CPQ: variants seen among roughly 807,000 people sequenced by gnomAD.
CPQ encodes Ser-Met dipeptidase.
In CPQ, 37 loss-of-function variants were observed where a neutral mutation model predicts 45.7. That is an observed-to-expected ratio of 0.81 (90% CI 0.62 to 1.07). The LOEUF (loss-of-function observed/expected upper bound fraction) is 1.07, where lower values mean the gene tolerates loss of function less well. CPQ is among the 50% of genes least tolerant of loss of function. The pLI, the probability that CPQ is intolerant of heterozygous loss-of-function variation, is 0.00. For missense variants in CPQ, 537 were observed against 572.9 expected (o/e 0.94, Z 0.64); for synonymous variants, 186 against 205.8 (o/e 0.90, Z 0.82).
chr8:96,698,465 C>G (rs1486371389), intron 1 of CPQ, among the ~76,000 whole-genome samples: 1 of 151,962 alleles, frequency 6.6e-6, no homozygotes, highest in African/African-American at 2.4e-5. Context: ...TAATACCCCA[C>G]AAGCACAGGC....
At chr8:96,696,388 G>A (rs111533983) in intron 1 of CPQ, among the ~76,000 whole-genome samples, 3,653 of 151,480 alleles carry the variant, frequency 0.024, 150 homozygotes, top group African/African-American at 0.081. Context: ...ACATGTGTAC[G>A]TATGTAACTA....
chr8:96,813,740 A>C (rs1427676385), intron 2 of CPQ, among the ~76,000 whole-genome samples: 3 of 152,124 alleles, frequency 2.0e-5, no homozygotes, highest in Non-Finnish European at 4.4e-5. Flanking sequence ...CCTAGGACTC[A>C]TAACGCCTGG....
intron 1 of CPQ, among the ~76,000 whole-genome samples, chr8:96,679,022 T>C (rs1482291610): frequency 2.6e-5 from 4 of 152,146 alleles, no homozygotes. Context: ...ATTCTTCTAG[T>C]AGTTTTATAC....
intron 1 of CPQ, among the ~76,000 whole-genome samples, chr8:96,679,317 G>A (rs973664742): frequency 2.6e-5 from 4 of 152,104 alleles, no homozygotes; most frequent in African/African-American, 9.7e-5. Context: ...GATTTGGTTA[G>A]CTAGTATTTT....
Position 96,999,997 on chromosome 8 carries a change from A to G in CPQ, c.962-29406A>G, listed in dbSNP as rs1443565059. Among the ~76,000 whole-genome samples the G allele has an allele frequency of 3.4e-5, 5 of 148,058 alleles. No homozygotes were observed. The East Asian group carries it at 7.9e-4, about 23-fold the overall frequency. ...ATTTCTCTAATGATCAGTGCTGCTG[A>G]GCTTTTTTTTTTTTGTATGATTGTT... On this transcript the variant is annotated intron_variant, in intron 5 of 7. Coordinates refer to ENST00000220763, the MANE Select transcript of CPQ (RefSeq NM_016134.4).
At chr8:96,677,555 A>C (rs1433257716) in intron 1 of CPQ, among the ~76,000 whole-genome samples, 1 of 151,778 alleles carries the variant, frequency 6.6e-6, no homozygotes, top group African/African-American at 2.4e-5. Context: ...AGTTCCTTTT[A>C]GATTCTGTAT....
At chr8:96,732,448 A>C (rs767081746) in intron 1 of CPQ, 1 of 152,176 alleles carries the variant, frequency 6.6e-6, no homozygotes, top group Admixed American at 6.5e-5. Context: ...GATGACCCTT[A>C]GTCTTTAAAA....
At position 96,936,668 on chromosome 8, in the gene CPQ, A is replaced by G. The variant is rs1245002989; in HGVS notation, c.850-29267A>G. On this transcript the variant is annotated intron_variant, in intron 4 of 7. Transcript: ENST00000220763. Reference sequence around the variant, plus strand: ...AATATCCCAAAGATATTGGGGAGATATTTGGAAAGTATATGAAAACATTTA... The same window carrying G: ...AATATCCCAAAGATATTGGGGAGATGTTTGGAAAGTATATGAAAACATTTA... Among the ~76,000 whole-genome samples, 4 of 152,318 alleles carry G rather than the reference A, an allele frequency of 2.6e-5. No individual in the cohort carries two copies. The East Asian group carries it at 7.7e-4, about 29-fold the overall frequency.
At chr8:97,023,311 T>C (rs1340727456) in intron 5 of CPQ, among the ~76,000 whole-genome samples, 1 of 151,832 alleles carries the variant, frequency 6.6e-6, no homozygotes, top group Admixed American at 6.6e-5. Flanking sequence ...CAATGGACTT[T>C]GGGGACTCAG....
At chr8:97,025,365 G>C (rs1809779943) in intron 5 of CPQ, among the ~76,000 whole-genome samples, 1 of 152,114 alleles carries the variant, frequency 6.6e-6, no homozygotes, top group African/African-American at 2.4e-5. Flanking sequence ...TGTTGCTTTA[G>C]AGGAAAACCA....
At chr8:97,141,816 G>C (rs1812170003) in intron 7 of CPQ, among the ~76,000 whole-genome samples, 1 of 152,094 alleles carries the variant, frequency 6.6e-6, no homozygotes, top group South Asian at 2.1e-4. Flanking sequence ...CAACAGCATA[G>C]ATAAATCTTA....
At chr8:97,110,784 A>G (rs997757102) in intron 7 of CPQ, among the ~76,000 whole-genome samples, 2 of 152,156 alleles carry the variant, frequency 1.3e-5, no homozygotes, top group Non-Finnish European at 2.9e-5. Flanking sequence ...AAAGCTCTAA[A>G]TTTGTACAGA....
At chr8:96,855,093 T>G (rs1811829491) in intron 3 of CPQ, among the ~76,000 whole-genome samples, 1 of 152,164 alleles carries the variant, frequency 6.6e-6, no homozygotes, top group Non-Finnish European at 1.5e-5. Flanking sequence ...AGGGTCAGCC[T>G]TTTTGTTCTA....
At chr8:96,823,274 C>T (rs1811334404) in intron 2 of CPQ, among the ~76,000 whole-genome samples, 1 of 152,010 alleles carries the variant, frequency 6.6e-6, no homozygotes, top group South Asian at 2.1e-4. Context: ...TTACATTCCA[C>T]ATTTTATACT....
intron 1 of CPQ, among the ~76,000 whole-genome samples, chr8:96,775,784 C>T (rs1037044677): frequency 2.6e-5 from 4 of 152,122 alleles, no homozygotes; most frequent in Admixed American, 1.3e-4. Context: ...CTAGTGTCCC[C>T]GGCCTCTGCC....
intron 7 of CPQ, among the ~76,000 whole-genome samples, chr8:97,137,262 A>C (rs1416424157): frequency 6.6e-6 from 1 of 152,164 alleles, no homozygotes; most frequent in Admixed American, 6.5e-5. Context: ...TCTTTTTTAA[A>C]TATGGAATTT....
intron 4 of CPQ, among the ~76,000 whole-genome samples, chr8:96,926,303 A>T (rs1812872555): frequency 2.0e-5 from 3 of 152,168 alleles, no homozygotes; most frequent in Admixed American, 2.0e-4. Flanking sequence ...ACCAGTCCAG[A>T]TATAAGTCTG....
chr8:97,066,132 C>T lies in CPQ; in HGVS notation c.1177C>T (p.Gln393Ter), dbSNP rs771308634. ...AIMEEVMSLLQPLNITQVLSH... is the reference protein window; with the variant it reads ...AIMEEVMSLL ...CATGGAGGAGGTTATGAGCCTGCTG[C>T]AGCCCCTCAATATCACTCAGGTCCT... Residue 393 changes from glutamine to a stop codon, truncating the protein, a stop_gained, in exon 7 of 8, where the codon CAG becomes TAG. Coordinates refer to ENST00000220763, the MANE Select transcript of CPQ (RefSeq NM_016134.4). LOFTEE classifies it high-confidence loss of function. 1.2e-6 allele frequency: 2 copies of T among 1,611,958 alleles called. No individual in the cohort carries two copies. The highest frequency in any genetic ancestry group is 3.4e-5 in the Admixed American group (2 of 59,626).
intron 2 of CPQ, among the ~76,000 whole-genome samples, chr8:96,816,907 G>A (rs1187482201): frequency 6.6e-6 from 1 of 152,066 alleles, no homozygotes; most frequent in African/African-American, 2.4e-5. Context: ...CAGATACGCT[G>A]TCATCCAGGC....
Sources: allele counts gnomAD v4.1 joint callset (sites outside exome capture counted in the v4.1 genomes callset), GRCh38; gene constraint gnomAD v4.1.1; transcripts MANE v1.5; gene names NCBI Gene and HGNC (gene_info 2026-07-23, HGNC 2026-07-21).